RTRAF: variants seen among roughly 807,000 people sequenced by gnomAD.
The protein encoded by RTRAF is RNA transcription, translation and transport factor, also known as tRNA-splicing ligase complex subunit RTRAF.
RTRAF carries 14 observed loss-of-function variants against 34.4 expected under a neutral mutation model. The ratio of observed to expected loss-of-function variants is 0.41; its 90% CI spans 0.27 to 0.64. The LOEUF is 0.64. Among genes scored for constraint, RTRAF ranks in the 30% least tolerant of loss-of-function variants. The pLI, the probability that RTRAF is intolerant of heterozygous loss-of-function variation, is 0.34. For synonymous variants in RTRAF, 96 were observed against 95.3 expected, an observed-to-expected ratio of 1.01 and a Z score of -0.04; for missense variants, 291 against 288.4, an observed-to-expected ratio of 1.01 and a Z score of -0.06.
At position 52,006,656 on chromosome 14, in the gene RTRAF, G is replaced by T. The variant is rs769137233; in HGVS notation, c.*2140G>T. ...CAGGTAGTGTACACTCCAGTTTTTT[G>T]GTTCCTTTTAAAACAAAGGGGGAAA... On this transcript the variant is annotated 3_prime_UTR_variant, in exon 8 of 8. Transcript: ENST00000261700. The T allele has an allele frequency of 3.7e-6, 6 of 1,612,984 alleles. No homozygotes were observed. The highest frequency in any genetic ancestry group is 5.1e-6 in the Non-Finnish European group (6 of 1,179,448).
Position 52,010,437 on chromosome 14 carries a change from G to A in RTRAF, c.*5921G>A, listed in dbSNP as rs1364213380. The A allele has an allele frequency of 6.4e-6, 1 of 156,248 alleles. No homozygotes were observed. Among genetic ancestry groups the A allele is most frequent in the African/African-American group, 2.4e-5 (1 of 41,520 alleles). The allele number at this position is 156,248 out of a possible 1,614,324, so 9.7% of individuals were successfully genotyped here. On this transcript the variant is annotated 3_prime_UTR_variant, in exon 8 of 8. Transcript: ENST00000261700. Reference sequence around the variant, plus strand: ...TGCTACAGCAACACTGAAGCCAGAGGTGTCTGAGCTTTGGCTAATGTCACT... The same window carrying A: ...TGCTACAGCAACACTGAAGCCAGAGATGTCTGAGCTTTGGCTAATGTCACT...
intron 7 of RTRAF, 44 bp from the exon 8 acceptor site, chr14:52,004,318 G>T (rs756641145): frequency 1.9e-6 from 3 of 1,608,654 alleles, no homozygotes; most frequent in South Asian, 1.1e-5. Flanking sequence ...GGCCTTAAAT[G>T]TAAAAATTAT....
In RTRAF at chr14:52,008,940, G is replaced by A. The variant is rs546251116; in HGVS notation, c.*4424G>A. The A allele has an allele frequency of 7.9e-5, 12 of 152,264 alleles. No homozygotes were observed. The highest frequency in any genetic ancestry group is 2.2e-4 in the African/African-American group (9 of 41,548). 9.4% of individuals were successfully genotyped at this position (152,264 alleles called of 1,614,324 possible). On this transcript the variant is annotated 3_prime_UTR_variant, in exon 8 of 8. Transcript: ENST00000261700. ...AAATATATTCATAACAGATACTAAC[G>A]AGGAAATATGGTCCTATTAAGTGGA...
chr14:51,990,373 ACTG>A (rs1458079993), intron 1 of RTRAF, among the ~76,000 whole-genome samples: 1 of 152,224 alleles, frequency 6.6e-6, no homozygotes, highest in Non-Finnish European at 1.5e-5. Flanking sequence ...CTGTAACTAA[ACTG>A]CTACCCACCA....
chr14:52,003,358 C>G (rs1890638351), intron 6 of RTRAF, among the ~76,000 whole-genome samples: 1 of 151,842 alleles, frequency 6.6e-6, no homozygotes, highest in South Asian at 2.1e-4. Context: ...GCTTTCGTAC[C>G]CATTGGTTTC....
Position 52,007,598 on chromosome 14 carries a change from C to T in RTRAF, c.*3082C>T. 1.8e-6 allele frequency: 1 copy of T among 554,828 alleles called. No individual in the cohort carries two copies. The highest frequency in any genetic ancestry group is 3.2e-6 in the Non-Finnish European group (1 of 315,314). 34.4% of individuals were successfully genotyped at this position (554,828 alleles called of 1,614,324 possible). A position where few individuals can be genotyped will look rare whatever the true frequency, so the allele number is the denominator to read the frequency against. On this transcript the variant is annotated 3_prime_UTR_variant, in exon 8 of 8. Coordinates refer to ENST00000261700, the MANE Select transcript of RTRAF (RefSeq NM_016039.3). ...CTCATGGTCAGGCAAGCAGTACAAA[C>T]TTACTGCTTGATATATCCTTCCCTC...
intron 3 of RTRAF, among the ~76,000 whole-genome samples, chr14:51,995,086 T>C (rs1294983140): frequency 3.3e-5 from 5 of 152,140 alleles, no homozygotes; most frequent in Non-Finnish European, 5.9e-5. Flanking sequence ...CTATGTCTTA[T>C]TCGTCCCAGT....
rs779824019 is a variant in RTRAF at position 52,004,513 on chromosome 14, ATGAACACT to A, written c.*1_*8del. ...ACCACAGACTGGGAAAAGTTGGAAG[ATGAACACT>A]TGAGGACTTCAGCTTCTCACCTACT... On this transcript the variant is annotated stop_retained_variant and 3_prime_UTR_variant, in exon 8 of 8. Coordinates refer to ENST00000261700, the MANE Select transcript of RTRAF (RefSeq NM_016039.3). The A allele has an allele frequency of 6.2e-7, 1 of 1,612,526 alleles. No homozygotes were observed. The highest frequency in any genetic ancestry group is 1.1e-5 in the South Asian group (1 of 90,960).
intron 6 of RTRAF, among the ~76,000 whole-genome samples, chr14:52,002,141 T>C (rs550530083): frequency 6.6e-6 from 1 of 152,344 alleles, no homozygotes; most frequent in East Asian, 1.9e-4. Context: ...TTGTGGCCCG[T>C]TGAAGTTTAT....
intron 1 of RTRAF, 91 bp downstream of exon 1, chr14:51,989,791 C>T: frequency 3.7e-6 from 5 of 1,354,908 alleles, no homozygotes; most frequent in Non-Finnish European, 5.0e-6. Flanking sequence ...CGTCGGGACC[C>T]TCGGCGGCCT....
chr14:51,999,888 G>A, intron 5 of RTRAF, 92 bp downstream of exon 5: 1 of 848,600 alleles, frequency 1.2e-6, no homozygotes, highest in Non-Finnish European at 1.9e-6. Context: ...TTAAAATTAT[G>A]GTTGAATGAC....
At chr14:51,990,447 A>G (rs532344757) in intron 1 of RTRAF, among the ~76,000 whole-genome samples, 25 of 152,350 alleles carry the variant, frequency 1.6e-4, no homozygotes, top group Admixed American at 1.2e-3. Context: ...AAAGTGATCA[A>G]GTATAACTTG....
intron 3 of RTRAF, among the ~76,000 whole-genome samples, chr14:51,997,188 A>G (rs1166885855): frequency 6.6e-6 from 1 of 151,994 alleles, no homozygotes; most frequent in African/African-American, 2.4e-5. Context: ...GACTGTATCA[A>G]TTATGTTTTT....
At position 52,010,398 on chromosome 14, in the gene RTRAF, T is replaced by C. The variant is rs1001455425; in HGVS notation, c.*5882T>C. The C allele has an allele frequency of 6.5e-6, 1 of 153,042 alleles. No homozygotes were observed. Among genetic ancestry groups the C allele is most frequent in the African/African-American group, 2.4e-5 (1 of 40,828 alleles). 9.5% of individuals were successfully genotyped at this position (153,042 alleles called of 1,614,324 possible). ...AGCAATTATACAGACAGGGAAAATG[T>C]TTATCTTGATTTCTGCTACAGCAAC... is the stretch of plus-strand genomic sequence containing the variant. On this transcript the variant is annotated 3_prime_UTR_variant, in exon 8 of 8. Coordinates refer to ENST00000261700, the MANE Select transcript of RTRAF (RefSeq NM_016039.3).
rs150031129 is a variant in RTRAF at position 51,991,148 on chromosome 14, CTG to C, written c.62-167_62-166del. ...AGGATTTGAACAGATCATTGTTAAT[CTG>C]TACTTTCAACTCCAGAATCTGTACT... On this transcript the variant is annotated intron_variant, in intron 1 of 7. Coordinates refer to ENST00000261700, the MANE Select transcript of RTRAF (RefSeq NM_016039.3). Among the ~76,000 whole-genome samples, 258 of 152,274 alleles carry C rather than the reference CTG, an allele frequency of 1.7e-3. 5 individuals are homozygous for C. In the East Asian group the frequency reaches 0.043, roughly 25 times the overall value.
At position 51,998,526 on chromosome 14, in the gene RTRAF, T is replaced by A; in HGVS notation, c.319T>A (p.Ser107Thr). 6.3e-7 allele frequency: 1 copy of A among 1,590,432 alleles called. No homozygotes were observed. Among genetic ancestry groups the A allele is most frequent in the Non-Finnish European group, 8.6e-7 (1 of 1,168,244 alleles). The change falls in exon 4 of 8, where the codon TCA becomes ACA. Residue 107 changes from serine to threonine, a missense_variant. Ser to Thr is a moderately conservative substitution (Grantham distance 58, BLOSUM62 1). Coordinates refer to ENST00000261700, the MANE Select transcript of RTRAF (RefSeq NM_016039.3). ...ATACAAGGATTTAGTACCTGATAATTCAAAAACTGCTGACAATGCAACTAA... is the reference window on the plus strand; with the variant it reads ...ATACAAGGATTTAGTACCTGATAATACAAAAACTGCTGACAATGCAACTAA... ...EKYKDLVPDN[S>T]KTADNATKNA...
chr14:51,998,645 G>A lies in RTRAF; in HGVS notation c.373+65G>A, dbSNP rs1357946892. The A allele has an allele frequency of 2.9e-6, 3 of 1,020,928 alleles. No individual in the cohort carries two copies. In the African/African-American group the frequency reaches 5.0e-5, roughly 17 times the overall value. The allele number at this position is 1,020,928 out of a possible 1,614,324, so 63.2% of individuals were successfully genotyped here. A position where few individuals can be genotyped will look rare whatever the true frequency, so the allele number is the denominator to read the frequency against. On this transcript the variant is annotated intron_variant, in intron 4 of 7. Coordinates refer to ENST00000261700, the MANE Select transcript of RTRAF (RefSeq NM_016039.3). ...TGGTTTTTTAAATGTTTTTTTCTTT[G>A]AAGAATGAAGTCCAGGTTTACTTGG...
intron 1 of RTRAF, 63 bp downstream of exon 1, chr14:51,989,763 G>T (rs1200660497): frequency 1.3e-6 from 2 of 1,491,092 alleles, no homozygotes; most frequent in African/African-American, 1.4e-5. Context: ...CAGCCTCAGT[G>T]CCCGCACCCC....
At chr14:51,994,580 A>G (rs1052051899) in intron 3 of RTRAF, among the ~76,000 whole-genome samples, 2 of 152,172 alleles carry the variant, frequency 1.3e-5, no homozygotes, top group African/African-American at 2.4e-5. Flanking sequence ...CAGGAGTATT[A>G]TAATATCTCC....
Sources: gnomAD v4.1 joint callset for allele counts (sites outside exome capture counted in the v4.1 genomes callset) on GRCh38, gnomAD v4.1.1 for gene constraint, MANE v1.5 for transcripts, NCBI Gene and HGNC (gene_info 2026-07-23, HGNC 2026-07-21) for gene names.